The following CACNG2 variants were observed in gnomAD, a reference collection of about 807,000 sequenced individuals.
CACNG2 encodes calcium voltage-gated channel auxiliary subunit gamma 2, also known as voltage-dependent calcium channel gamma-2 subunit.
CACNG2 carries 3 observed loss-of-function variants against 25.9 expected under a neutral mutation model. That is an observed-to-expected ratio of 0.12 (90% CI 0.05 to 0.30). The LOEUF is 0.30. Among genes scored for constraint, CACNG2 ranks in the 10% least tolerant of loss-of-function variants. CACNG2 has a pLI of 1.00. For synonymous variants in CACNG2, 167 were observed against 173.3 expected (o/e 0.96, Z 0.29); for missense variants, 341 against 432.5 (o/e 0.79, Z 1.88).
chr22:36,586,008 C>T (rs903737642), intron 2 of CACNG2, among the ~76,000 whole-genome samples: 6 of 152,260 alleles, frequency 3.9e-5, no homozygotes, highest in African/African-American at 1.2e-4. Context: ...TGACATCATT[C>T]GAGCTCCACC....
intron 1 of CACNG2, among the ~76,000 whole-genome samples, chr22:36,604,963 G>T (rs939911541): frequency 2.6e-5 from 4 of 152,080 alleles, no homozygotes; most frequent in African/African-American, 9.7e-5. Flanking sequence ...TTGTAGAGAT[G>T]GGGGTCTCAC....
Position 36,702,652 on chromosome 22 carries a change from C to G in CACNG2, c.-76G>C, listed in dbSNP as rs1217703303. 1 of 1,034,724 alleles carries G rather than the reference C, an allele frequency of 9.7e-7. No individual in the cohort carries two copies. The highest frequency in any genetic ancestry group is 2.5e-5 in the East Asian group (1 of 40,386). 64.1% of individuals were successfully genotyped at this position (1,034,724 alleles called of 1,614,324 possible). A position where few individuals can be genotyped will look rare whatever the true frequency, so the allele number is the denominator to read the frequency against. ...TGTGTGAGGGTGCAAGTACTAAAGCCAAAAAAAATAAATAAAAATAAAAAT... is the reference window on the plus strand; with the variant it reads ...TGTGTGAGGGTGCAAGTACTAAAGCGAAAAAAAATAAATAAAAATAAAAAT... On this transcript the variant is annotated 5_prime_UTR_variant, in exon 1 of 4. Coordinates refer to ENST00000300105, the MANE Select transcript of CACNG2 (RefSeq NM_006078.5).
intron 1 of CACNG2, among the ~76,000 whole-genome samples, chr22:36,668,339 T>C (rs75320379): frequency 1.3e-5 from 2 of 152,106 alleles, no homozygotes; most frequent in African/African-American, 4.8e-5. Flanking sequence ...AGAATATATA[T>C]AGAGAGATAT....
At chr22:36,697,361 G>A (rs370532981) in intron 1 of CACNG2, among the ~76,000 whole-genome samples, 12 of 152,226 alleles carry the variant, frequency 7.9e-5, no homozygotes, top group East Asian at 3.8e-4. Flanking sequence ...CAGACCAGAT[G>A]TAACAGTGCT....
At chr22:36,647,156 G>A (rs573693255) in intron 1 of CACNG2, among the ~76,000 whole-genome samples, 5 of 152,154 alleles carry the variant, frequency 3.3e-5, no homozygotes, top group Admixed American at 2.6e-4. Context: ...AAAGCCTTCC[G>A]CTTCTCTCTC....
chr22:36,666,802 G>C (rs1030904339), intron 1 of CACNG2, among the ~76,000 whole-genome samples: 4 of 152,020 alleles, frequency 2.6e-5, no homozygotes, highest in African/African-American at 9.7e-5. Flanking sequence ...TGGCATTCAA[G>C]GTCTCTGTGG....
rs1375918656 is a variant in CACNG2, at chr22:36,696,938, G to T, written c.211+5428C>A. ...CACACAAGGCTGCAGTGCAGGAAGT[G>T]AACCCAGGTCTGTGTGGCATCAATT... On this transcript the variant is annotated intron_variant, in intron 1 of 3. Transcript: ENST00000300105. 3.3e-5 allele frequency among the ~76,000 whole-genome samples: 5 copies of T among 152,294 alleles called. 1 individual carries two copies. The highest frequency in any genetic ancestry group is 1.2e-4 in the African/African-American group (5 of 41,558).
At chr22:36,626,080 C>A (rs142047159) in intron 1 of CACNG2, among the ~76,000 whole-genome samples, 3 of 152,138 alleles carry the variant, frequency 2.0e-5, no homozygotes, top group Admixed American at 6.5e-5. Flanking sequence ...CCACCATGCC[C>A]GGCTAACTTT....
chr22:36,651,000 T>C (rs1936603450), intron 1 of CACNG2, among the ~76,000 whole-genome samples: 1 of 152,192 alleles, frequency 6.6e-6, no homozygotes, highest in Non-Finnish European at 1.5e-5. Flanking sequence ...AAGTCTTCCC[T>C]GTTCACTCTA....
At chr22:36,654,904 C>T (rs767502131) in intron 1 of CACNG2, among the ~76,000 whole-genome samples, 59 of 151,772 alleles carry the variant, frequency 3.9e-4, no homozygotes, top group Non-Finnish European at 5.9e-4. Flanking sequence ...AACTGGTGTC[C>T]GAATCTTTGT....
In CACNG2 at chr22:36,564,649, C is replaced by T; in HGVS notation, c.674G>A (p.Arg225His). The part of the protein sequence containing the change: ...TDYLQASAIT[R>H]IPSYRYRYQR... The stretch of plus-strand genomic sequence containing the variant: ...GTAGCGGTAGCGGTAGCTGGGGATG[C>T]GGGTGATGGCAGAGGCCTGGAGGTA... The change falls in exon 4 of 4, where the codon CGC (arginine) becomes CAC (histidine). Residue 225 changes from arginine to histidine, a missense_variant. Coordinates refer to ENST00000300105, the MANE Select transcript of CACNG2 (RefSeq NM_006078.5). This position sits in a 1 kb window ranked among gnomAD's most constrained non-coding sequence, Gnocchi z 6.7. 1 of 1,613,716 alleles carries T rather than the reference C, an allele frequency of 6.2e-7. No homozygotes were observed. The highest frequency in any genetic ancestry group is 8.5e-7 in the Non-Finnish European group (1 of 1,179,980).
intron 2 of CACNG2, among the ~76,000 whole-genome samples, chr22:36,582,991 C>T (rs2145919070): frequency 6.6e-6 from 1 of 152,078 alleles, no homozygotes; most frequent in South Asian, 2.1e-4. Flanking sequence ...CTTGTGACTT[C>T]ATAGGAAATT....
At chr22:36,583,437 A>C (rs1432309994) in intron 2 of CACNG2, among the ~76,000 whole-genome samples, 1 of 146,630 alleles carries the variant, frequency 6.8e-6, no homozygotes, top group East Asian at 1.9e-4. Context: ...CGTCTCAAAA[A>C]AAAAAGAAAA....
chr22:36,645,902 T>C (rs1182882533), intron 1 of CACNG2, among the ~76,000 whole-genome samples: 1 of 152,234 alleles, frequency 6.6e-6, no homozygotes, highest in African/African-American at 2.4e-5. Context: ...TATTTTAATA[T>C]AAAATTACCT....
At chr22:36,615,973 G>A (rs1236262705) in intron 1 of CACNG2, among the ~76,000 whole-genome samples, 1 of 152,206 alleles carries the variant, frequency 6.6e-6, no homozygotes, top group Non-Finnish European at 1.5e-5. Context: ...AACCACACAC[G>A]TGGTAGATGG....
rs111829699 is a variant in CACNG2 at position 36,564,927 on chromosome 22, G to A, written c.437-41C>T. ...TGGCGGGGTGGGGGATCAGAGAGAA[G>A]GACGTTAGTTTCTCAGGAAGTCGGC... On this transcript the variant is annotated intron_variant, in intron 3 of 3. Transcript: ENST00000300105. The surrounding 1 kb of genome is among the most constrained non-coding windows in gnomAD (Gnocchi z 6.7). 97 of 1,580,738 alleles carry A rather than the reference G, an allele frequency of 6.1e-5. No individual in the cohort carries two copies. The highest frequency in any genetic ancestry group is 8.1e-5 in the Non-Finnish European group (94 of 1,160,224).
intron 1 of CACNG2, among the ~76,000 whole-genome samples, chr22:36,630,178 G>A (rs1336216213): frequency 6.6e-6 from 1 of 152,154 alleles, no homozygotes; most frequent in East Asian, 1.9e-4. Context: ...CTCTGCTGAG[G>A]ACCTGAAGAA....
chr22:36,652,955 C>G (rs566610630), intron 1 of CACNG2, among the ~76,000 whole-genome samples: 1 of 152,042 alleles, frequency 6.6e-6, no homozygotes, highest in Non-Finnish European at 1.5e-5. Context: ...ATGCTGGAGT[C>G]CCCCCGGGCT....
chr22:36,590,890 G>A (rs929574282), intron 1 of CACNG2, among the ~76,000 whole-genome samples: 23 of 151,822 alleles, frequency 1.5e-4, no homozygotes, highest in Admixed American at 1.2e-3. Flanking sequence ...CCTCAGGACC[G>A]TGGCACATGC....
Sources: gnomAD v4.1 joint callset for allele counts (sites outside exome capture counted in the v4.1 genomes callset) on GRCh38, gnomAD v4.1.1 for gene constraint, Gnocchi (gnomAD v3.1) non-coding constraint, MANE v1.5 for transcripts, NCBI Gene and HGNC (gene_info 2026-07-23, HGNC 2026-07-21) for gene names.